LEMD3: variants seen among roughly 807,000 people sequenced by gnomAD.
The protein encoded by LEMD3 is LEM domain containing 3.
Under a neutral mutation model 95.2 loss-of-function variants are expected in LEMD3, and 33 were observed. That is an observed-to-expected ratio of 0.35 (90% confidence interval 0.26 to 0.46). The LOEUF (loss-of-function observed/expected upper bound fraction) is 0.46, where lower values mean the gene tolerates loss of function less well. Among genes scored for constraint, LEMD3 ranks in the 20% least tolerant of loss-of-function variants. The probability of loss-of-function intolerance (pLI) is 1.00; values close to 1 mark genes in which losing one functional copy is unlikely to be tolerated. For synonymous variants in LEMD3, 525 were observed against 474.6 expected (o/e 1.11, Z -1.38); for missense variants, 1,210 against 1,192.8 (o/e 1.01, Z -0.21).
intron 4 of LEMD3, among the ~76,000 whole-genome samples, chr12:65,231,498 A>T (rs1870627182): frequency 6.6e-6 from 1 of 152,024 alleles, no homozygotes; most frequent in South Asian, 2.1e-4. Flanking sequence ...CAGACTGGGG[A>T]ACATAGTGAG....
At chr12:65,188,656 T>C (rs1189080616) in intron 1 of LEMD3, among the ~76,000 whole-genome samples, 1 of 152,180 alleles carries the variant, frequency 6.6e-6, no homozygotes, top group South Asian at 2.1e-4. Context: ...TTTCTCCTTT[T>C]GTCAGCCTCT....
intron 10 of LEMD3, among the ~76,000 whole-genome samples, chr12:65,245,063 A>G (rs912582809): frequency 1.3e-5 from 2 of 152,094 alleles, no homozygotes; most frequent in African/African-American, 4.8e-5. Flanking sequence ...ATTTTTAAAC[A>G]TAGGAATGAC....
At chr12:65,211,875 A>T (rs950382728) in intron 2 of LEMD3, among the ~76,000 whole-genome samples, 10 of 152,216 alleles carry the variant, frequency 6.6e-5, no homozygotes, top group Admixed American at 6.5e-4. Context: ...AGAAACTGAA[A>T]TTCTGAACTT....
At chr12:65,210,728 C>G (rs748800632) in intron 1 of LEMD3, among the ~76,000 whole-genome samples, 198 bp from the exon 2 acceptor site, 1 of 152,162 alleles carries the variant, frequency 6.6e-6, no homozygotes, top group Non-Finnish European at 1.5e-5. Context: ...AGGAAAACCA[C>G]TAATTCAAAG....
intron 10 of LEMD3, among the ~76,000 whole-genome samples, chr12:65,244,284 C>A (rs1565801449): frequency 8.9e-6 from 1 of 111,764 alleles, no homozygotes; most frequent in Non-Finnish European, 1.8e-5. Context: ...CACACACACA[C>A]ACCCCCCCCA....
At chr12:65,178,011 A>T (rs11833416) in intron 1 of LEMD3, among the ~76,000 whole-genome samples, 103 of 151,792 alleles carry the variant, frequency 6.8e-4, no homozygotes, top group Admixed American at 1.8e-3. Context: ...CATCTGGCAA[A>T]TTTTTTGTAT....
In LEMD3 at chr12:65,212,179, A is replaced by G. The variant is rs533573833; in HGVS notation, c.1560+1216A>G. Among the ~76,000 whole-genome samples the G allele has an allele frequency of 6.7e-4, 102 of 152,216 alleles. 1 individual carries two copies. Among genetic ancestry groups the G allele is most frequent in the African/African-American group, 2.3e-3 (97 of 41,536 alleles). ...CCATCAGATCTCACGAGACTTATTC[A>G]CTATTCATCACGAGAATAGCATGGG... On this transcript the variant is annotated intron_variant, in intron 2 of 12. Coordinates refer to ENST00000308330, the MANE Select transcript of LEMD3 (RefSeq NM_014319.5).
chr12:65,239,901 T>C, intron 6 of LEMD3, 28 bp from the exon 7 acceptor site: 1 of 1,472,276 alleles, frequency 6.8e-7, no homozygotes, highest in Non-Finnish European at 9.5e-7. Flanking sequence ...CCACAATTTT[T>C]AAAATACAAA....
intron 4 of LEMD3, among the ~76,000 whole-genome samples, chr12:65,229,909 G>A (rs534885475): frequency 3.1e-4 from 47 of 152,226 alleles, no homozygotes; most frequent in Admixed American, 1.0e-3. Context: ...GTCCTGAAGC[G>A]TTCCTCCTGT....
At position 65,170,502 on chromosome 12, in the gene LEMD3, C is replaced by T. The variant is rs376059733; in HGVS notation, c.906C>T (p.Ala302=). 12 of 1,614,120 alleles carry T rather than the reference C, an allele frequency of 7.4e-6. No individual in the cohort carries two copies. Among genetic ancestry groups the T allele is most frequent in the Non-Finnish European group, 1.0e-5 (12 of 1,180,028 alleles). The change falls in exon 1 of 13, where the codon GCC becomes GCT. Residue 302 remains alanine (A), a synonymous_variant. Transcript: ENST00000308330. ...KPLPPLTAKS[A]GGRLETSVQG... ...TCCCCCCGCTGACTGCTAAATCGGC[C>T]GGCGGCAGGCTGGAGACTTCAGTTC...
chr12:65,206,496 C>T (rs1346249831), intron 1 of LEMD3, among the ~76,000 whole-genome samples: 2 of 152,004 alleles, frequency 1.3e-5, no homozygotes, highest in African/African-American at 2.4e-5. Context: ...TATATGTTTG[C>T]GAATATTTTA....
At chr12:65,186,902 C>T (rs1050425675) in intron 1 of LEMD3, among the ~76,000 whole-genome samples, 2 of 151,928 alleles carry the variant, frequency 1.3e-5, no homozygotes, top group Admixed American at 6.6e-5. Context: ...AGTCAAAATT[C>T]TGCTAAGACC....
At chr12:65,230,420 A>G (rs1276427969) in intron 4 of LEMD3, among the ~76,000 whole-genome samples, 16 of 152,068 alleles carry the variant, frequency 1.1e-4, no homozygotes. Flanking sequence ...AATTGTGAAC[A>G]TGGGATGTCT....
Position 65,169,824 on chromosome 12 carries a change from C to CGCAGCCGCGGGACCAGCGGCGGCG in LEMD3, c.231_254dup (p.Pro81_Gly88dup). On this transcript the variant is annotated inframe_insertion, in exon 1 of 13. Coordinates refer to ENST00000308330, the MANE Select transcript of LEMD3 (RefSeq NM_014319.5). ...ACAATAACACGGCAGCCGCCACGGT[C>CGCAGCCGCGGGACCAGCGGCGGCG]GCAGCCGCGGGACCAGCGGCGGCGG... The CGCAGCCGCGGGACCAGCGGCGGCG allele has an allele frequency of 4.7e-6, 7 of 1,484,392 alleles. No homozygotes were observed. Among genetic ancestry groups the CGCAGCCGCGGGACCAGCGGCGGCG allele is most frequent in the Non-Finnish European group, 6.3e-6 (7 of 1,115,366 alleles). 92.0% of individuals were successfully genotyped at this position (1,484,392 alleles called of 1,614,324 possible).
chr12:65,227,156 A>G (rs1870472571), intron 4 of LEMD3, among the ~76,000 whole-genome samples: 1 of 152,214 alleles, frequency 6.6e-6, no homozygotes, highest in African/African-American at 2.4e-5. Flanking sequence ...GCTAAAGGAG[A>G]CATAGAATAA....
Position 65,240,211 on chromosome 12 carries a change from G to A in LEMD3, c.2099G>A (p.Arg700His), listed in dbSNP as rs367618543. Residue 700 changes from arginine (R) to histidine (H), a missense_variant, in exon 8 of 13, where the codon CGC (arginine) becomes CAC (histidine). Physicochemically the swap from Arg to His is conservative, Grantham distance 29. This residue lies in a region of LEMD3 where 461 missense variants were observed against 569.8 expected (regional missense o/e 0.81). Coordinates refer to ENST00000308330, the MANE Select transcript of LEMD3 (RefSeq NM_014319.5). ...CCTTACATGCCTATTCCACATGTAC[G>A]CGATTCCTTAATACAGCCTCATGAC... ...LQPYMPIPHV[R>H]DSLIQPHDRK... 1.4e-5 allele frequency: 22 copies of A among 1,613,394 alleles called. No individual in the cohort carries two copies. Among genetic ancestry groups the A allele is most frequent in the Non-Finnish European group, 1.8e-5 (21 of 1,179,452 alleles).
chr12:65,239,917 T>G lies in LEMD3; in HGVS notation c.1922-12T>G. 6.5e-7 allele frequency: 1 copy of G among 1,548,170 alleles called. No homozygotes were observed. Reference sequence around the variant, plus strand: ...CACAATTTTTAAAATACAAAGTATATTAATATTACAGGTGTAGTGATGGTT... The same window carrying G: ...CACAATTTTTAAAATACAAAGTATAGTAATATTACAGGTGTAGTGATGGTT... On this transcript the variant is annotated splice_polypyrimidine_tract_variant and intron_variant, in intron 6 of 12. Transcript: ENST00000308330.
chr12:65,233,857 T>G (rs1870700057), intron 4 of LEMD3, among the ~76,000 whole-genome samples: 1 of 152,158 alleles, frequency 6.6e-6, no homozygotes, highest in Admixed American at 6.6e-5. Context: ...ACCCACGATT[T>G]TGAAAATAAA....
At chr12:65,183,528 ACT>A (rs1414594127) in intron 1 of LEMD3, among the ~76,000 whole-genome samples, 1 of 152,110 alleles carries the variant, frequency 6.6e-6, no homozygotes. Flanking sequence ...CTTTGTAATA[ACT>A]CTATGATGTC....
Sources: allele counts gnomAD v4.1 joint callset (sites outside exome capture counted in the v4.1 genomes callset), GRCh38; gene constraint gnomAD v4.1.1; regional missense constraint gnomAD v4.1.1; transcripts MANE v1.5; gene names NCBI Gene and HGNC (gene_info 2026-07-23, HGNC 2026-07-21).